CHD2: variants seen among roughly 807,000 people sequenced by gnomAD.
CHD2 encodes chromodomain helicase DNA binding protein 2.
Under a neutral mutation model 243.9 loss-of-function variants are expected in CHD2, and 28 were observed. That is an observed-to-expected ratio of 0.11 (90% CI 0.09 to 0.16). The LOEUF (loss-of-function observed/expected upper bound fraction) is 0.16, where lower values mean the gene tolerates loss of function less well. Among genes scored for constraint, CHD2 ranks in the 10% least tolerant of loss-of-function variants. The pLI is 1.00. For synonymous variants in CHD2, 775 were observed against 779.0 expected (o/e 0.99, Z 0.09); for missense variants, 1,386 against 2,209.8 (o/e 0.63, Z 7.47).
intron 2 of CHD2, among the ~76,000 whole-genome samples, chr15:92,923,321 C>T (rs1487239047): frequency 6.6e-6 from 1 of 152,020 alleles, no homozygotes; most frequent in African/African-American, 2.4e-5. Context: ...AGTACAGTGG[C>T]GTAATCATGG....
At chr15:93,010,463 TC>T (rs2054378323) in intron 35 of CHD2, among the ~76,000 whole-genome samples, 1 of 150,804 alleles carries the variant, frequency 6.6e-6, no homozygotes. Context: ...TTTCACTCTA[TC>T]GCCCAGGCTG....
chr15:92,907,534 C>T (rs1315819253), intron 2 of CHD2, among the ~76,000 whole-genome samples: 1 of 152,138 alleles, frequency 6.6e-6, no homozygotes, highest in African/African-American at 2.4e-5. Flanking sequence ...TTAACTGTTA[C>T]CTCTGTGCCT....
intron 5 of CHD2, among the ~76,000 whole-genome samples, chr15:92,935,136 C>T (rs1417890828): frequency 3.3e-5 from 5 of 151,234 alleles, no homozygotes; most frequent in Admixed American, 1.3e-4. Flanking sequence ...CCCGGGTTCA[C>T]GCCATTCTCC....
chr15:92,978,419 G>A (rs1567149984), intron 21 of CHD2, 36 bp downstream of exon 21: 4 of 1,601,146 alleles, frequency 2.5e-6, no homozygotes, highest in African/African-American at 1.3e-5. Flanking sequence ...TTGCTTTAGG[G>A]TTGGGGGCCA....
intron 10 of CHD2, chr15:92,945,407 T>G (rs2053448848): frequency 6.7e-6 from 1 of 149,550 alleles, no homozygotes; most frequent in Non-Finnish European, 1.5e-5. Context: ...TTTTTTTTTT[T>G]TTGAGATGGT....
At chr15:92,996,284 C>T (rs1000569554) in intron 28 of CHD2, among the ~76,000 whole-genome samples, 57 of 151,364 alleles carry the variant, frequency 3.8e-4, no homozygotes, top group African/African-American at 1.3e-3. Context: ...CTCAGCCTCA[C>T]GAGTGGCTGG....
chr15:93,020,152 G>C lies in CHD2; in HGVS notation c.5047G>C (p.Ala1683Pro). 1 of 1,614,102 alleles carries C rather than the reference G, an allele frequency of 6.2e-7. No individual in the cohort carries two copies. The highest frequency in any genetic ancestry group is 1.3e-5 in the African/African-American group (1 of 75,008). The change falls in exon 38 of 39, where the codon GCC becomes CCC. Residue 1683 changes from alanine to proline, a missense_variant. Physicochemically the swap from Ala to Pro is conservative, Grantham distance 27. Around this residue, in one of 19 missense-constraint regions of CHD2, gnomAD observed 347 missense variants for 341.6 expected, o/e 1.02. Transcript: ENST00000394196. ...TTATGGGGACCGGCGACATATGGAT[G>C]CCCACCGTTCCGGAAGCTATCGACC... is the stretch of plus-strand genomic sequence containing the variant. Reference protein sequence around the residue: ...HHYGDRRHMDAHRSGSYRPNN... With the variant: ...HHYGDRRHMDPHRSGSYRPNN...
At chr15:92,991,616 G>C (rs1020956732) in intron 27 of CHD2, 99 bp downstream of exon 27, 2 of 775,456 alleles carry the variant, frequency 2.6e-6, no homozygotes, top group African/African-American at 3.6e-5. Context: ...CTAATGCTGG[G>C]AACATTTTTT....
chr15:92,930,815 C>T (rs987066947), intron 5 of CHD2, among the ~76,000 whole-genome samples: 11 of 152,154 alleles, frequency 7.2e-5, no homozygotes, highest in African/African-American at 2.7e-4. Flanking sequence ...TAGTTCCTTG[C>T]AGAGTGGGAT....
chr15:92,917,552 C>A (rs1184572767), intron 2 of CHD2, among the ~76,000 whole-genome samples: 1 of 152,184 alleles, frequency 6.6e-6, no homozygotes, highest in Non-Finnish European at 1.5e-5. Flanking sequence ...CAGAGCGCGA[C>A]TTGGTCTCAA....
Position 92,986,365 on chromosome 15 carries a change from T to A in CHD2, c.3413+692T>A, listed in dbSNP as rs186058545. Among the ~76,000 whole-genome samples the A allele has an allele frequency of 7.2e-5, 11 of 152,304 alleles. No individual in the cohort carries two copies. The East Asian group carries it at 2.1e-3, about 29-fold the overall frequency. On this transcript the variant is annotated intron_variant, in intron 26 of 38. Coordinates refer to ENST00000394196, the MANE Select transcript of CHD2 (RefSeq NM_001271.4). The stretch of plus-strand genomic sequence containing the variant: ...AGATGGTTTTAAGGCCTAATCCATA[T>A]TATAATTATATTAAATAGTCCTTTA...
intron 25 of CHD2, 79 bp downstream of exon 25, chr15:92,984,579 G>A (rs184407636): frequency 2.2e-3 from 2,879 of 1,327,586 alleles, no homozygotes; most frequent in Non-Finnish European, 2.7e-3. Flanking sequence ...TCAAAGAAGA[G>A]GCCTTGCATT....
chr15:92,990,201 G>A (rs1183357594), intron 26 of CHD2, among the ~76,000 whole-genome samples: 2 of 152,178 alleles, frequency 1.3e-5, no homozygotes, highest in African/African-American at 4.8e-5. Context: ...AGGGCTTTTG[G>A]AGAACTCTCA....
chr15:92,985,123 T>C (rs1450505363), intron 25 of CHD2, among the ~76,000 whole-genome samples: 1 of 152,216 alleles, frequency 6.6e-6, no homozygotes, highest in Non-Finnish European at 1.5e-5. Context: ...TTCTAAGTGC[T>C]TTAACTTACT....
chr15:92,993,125 T>A, intron 28 of CHD2, 127 bp downstream of exon 28: 1 of 949,772 alleles, frequency 1.1e-6, no homozygotes, highest in Non-Finnish European at 1.6e-6. Context: ...GTGTTTATTC[T>A]GAGCTGCGTT....
At chr15:92,973,377 C>T (rs1417843556) in intron 19 of CHD2, among the ~76,000 whole-genome samples, 2 of 152,020 alleles carry the variant, frequency 1.3e-5, no homozygotes, top group Non-Finnish European at 2.9e-5. Flanking sequence ...CGCAATTTAC[C>T]TTGTCTCTTG....
intron 2 of CHD2, among the ~76,000 whole-genome samples, chr15:92,911,380 A>C (rs2052731683): frequency 6.6e-6 from 1 of 152,226 alleles, no homozygotes; most frequent in Non-Finnish European, 1.5e-5. Context: ...GGATTCAAAC[A>C]GTGGCAGTTT....
chr15:92,904,632 G>A, intron 2 of CHD2: 9 of 1,238,704 alleles, frequency 7.3e-6, no homozygotes, highest in Non-Finnish European at 9.2e-6. Flanking sequence ...TCCGGGAATG[G>A]TTTATCCTCT....
At chr15:92,989,609 G>A (rs1388814277) in intron 26 of CHD2, among the ~76,000 whole-genome samples, 3 of 152,172 alleles carry the variant, frequency 2.0e-5, no homozygotes, top group Non-Finnish European at 4.4e-5. Context: ...AATGCTTTGA[G>A]CCTGTAAGTC....
Sources: allele counts gnomAD v4.1 joint callset (sites outside exome capture counted in the v4.1 genomes callset), GRCh38; gene constraint gnomAD v4.1.1; regional missense constraint gnomAD v4.1.1; transcripts MANE v1.5; gene names NCBI Gene and HGNC (gene_info 2026-07-23, HGNC 2026-07-21).